The following NMT2 variants were observed in gnomAD, a reference collection of about 807,000 sequenced individuals.
NMT2 encodes N-myristoyltransferase 2.
In NMT2, 35 loss-of-function variants were observed where a neutral mutation model predicts 65.4. The observed-to-expected ratio is 0.54, with a 90% confidence interval of 0.41 to 0.71. The LOEUF is 0.71. Ranked by LOEUF, NMT2 falls within the 30% of genes least tolerant of loss-of-function variation. The pLI, the probability that NMT2 is intolerant of heterozygous loss-of-function variation, is 0.00. For synonymous variants in NMT2, 226 were observed against 231.8 expected (o/e 0.98, Z 0.23); for missense variants, 489 against 611.3 (o/e 0.80, Z 2.11).
At chr10:15,144,718 G>A (rs146975222) in intron 1 of NMT2, among the ~76,000 whole-genome samples, 3,401 of 151,904 alleles carry the variant, frequency 0.022, 43 homozygotes, top group Middle Eastern at 0.037. Flanking sequence ...GCGACAGAGC[G>A]AGACTCCGTC....
chr10:15,159,396 ATATTTATT>A (rs112463294), intron 1 of NMT2, among the ~76,000 whole-genome samples: 8,098 of 149,270 alleles, frequency 0.054, 292 homozygotes, highest in African/African-American at 0.11. Context: ...CCTCCTTAAA[ATATTTATT>A]TATTTATTTA....
Position 15,132,810 on chromosome 10 carries a change from CAT to C in NMT2, c.719+5_719+6del. ...TAAAAACCGCATGGACGAGCTTAAA[CAT>C]GTACCTGTCATAAATCCGAATGTTT... On this transcript the variant is annotated splice_donor_5th_base_variant and intron_variant, in intron 6 of 11. Coordinates refer to ENST00000378165, the MANE Select transcript of NMT2 (RefSeq NM_004808.3). 1 of 1,582,006 alleles carries C rather than the reference CAT, an allele frequency of 6.3e-7. No individual in the cohort carries two copies. The highest frequency in any genetic ancestry group is 8.7e-7 in the Non-Finnish European group (1 of 1,155,554).
At chr10:15,138,440 C>T in intron 2 of NMT2, 2 of 470,874 alleles carry the variant, frequency 4.2e-6, no homozygotes, top group South Asian at 1.5e-5. Context: ...AGTAGCACTA[C>T]CTGGGAAGAA....
intron 8 of NMT2, among the ~76,000 whole-genome samples, chr10:15,126,885 C>T (rs1846089550): frequency 6.6e-6 from 1 of 152,200 alleles, no homozygotes; most frequent in Non-Finnish European, 1.5e-5. Flanking sequence ...CTAATATAGC[C>T]AAGCCCCAAA....
At position 15,135,288 on chromosome 10, in the gene NMT2, G is replaced by A. The variant is rs746678432; in HGVS notation, c.377C>T (p.Pro126Leu). The A allele has an allele frequency of 1.7e-5, 28 of 1,613,872 alleles. No individual in the cohort carries two copies. The highest frequency in any genetic ancestry group is 4.5e-5 in the East Asian group (2 of 44,888). The change falls in exon 3 of 12, where the codon CCG becomes CTG. Residue 126 changes from proline (P) to leucine (L), a missense_variant. Transcript: ENST00000378165. ...KHRYQFWDTQ[P>L]VPKLDEVITS... ...GAAAAACTTACCTAGTTTTGGTACCGGTTGTGTGTCCCAAAACTGGTATCT... is the reference window on the plus strand; with the variant it reads ...GAAAAACTTACCTAGTTTTGGTACCAGTTGTGTGTCCCAAAACTGGTATCT...
At chr10:15,127,280 G>T (rs954252475) in intron 8 of NMT2, among the ~76,000 whole-genome samples, 2 of 150,092 alleles carry the variant, frequency 1.3e-5, no homozygotes, top group African/African-American at 4.9e-5. Flanking sequence ...AGGCGTGGTG[G>T]CTCACTCCTG....
Position 15,107,028 on chromosome 10 carries a change from A to C in NMT2, c.*2167T>G, listed in dbSNP as rs1845327614. ...GACGCTGAAGCAGGAGGATCATTTT[A>C]ACCCAGGAGTTTGGGGCTGCAGTGA... On this transcript the variant is annotated 3_prime_UTR_variant, in exon 12 of 12. Transcript: ENST00000378165. Among the ~76,000 whole-genome samples, 1 of 151,592 alleles carries C rather than the reference A, an allele frequency of 6.6e-6. No individual in the cohort carries two copies. Among genetic ancestry groups the C allele is most frequent in the Non-Finnish European group, 1.5e-5 (1 of 67,988 alleles).
Position 15,144,470 on chromosome 10 carries a change from G to A in NMT2, c.111-2913C>T, listed in dbSNP as rs554186522. Among the ~76,000 whole-genome samples the A allele has an allele frequency of 3.9e-4, 59 of 152,272 alleles. No individual in the cohort carries two copies. In the South Asian group the frequency reaches 8.1e-3, roughly 21 times the overall value. Reference sequence around the variant, plus strand: ...AGCCAGGCCAGGTGCAGTGGCTCACGCCTGTAATCCCAGCACTTTGGGAGG... The same window carrying A: ...AGCCAGGCCAGGTGCAGTGGCTCACACCTGTAATCCCAGCACTTTGGGAGG... On this transcript the variant is annotated intron_variant, in intron 1 of 11. Transcript: ENST00000378165.
In NMT2 at chr10:15,127,145, G is replaced by GT. The variant is rs1463566259; in HGVS notation, c.999+1204_999+1205insA. 2.6e-5 allele frequency among the ~76,000 whole-genome samples: 4 copies of GT among 152,102 alleles called. 1 individual carries two copies. Among genetic ancestry groups the GT allele is most frequent in the South Asian group, 4.1e-4 (2 of 4,830 alleles). On this transcript the variant is annotated intron_variant, in intron 8 of 11. Transcript: ENST00000378165. ...AGCTATTTGGGAGGCTGAGGCAGGA[G>GT]AACTGTTTGAACCCGGGAGGCGGAG...
intron 9 of NMT2, among the ~76,000 whole-genome samples, chr10:15,115,930 A>G (rs1445842570): frequency 2.0e-5 from 3 of 152,196 alleles, no homozygotes; most frequent in African/African-American, 7.2e-5. Flanking sequence ...GCCCAGAAGA[A>G]ATCAAGAAAA....
chr10:15,167,429 T>C (rs909893992), intron 1 of NMT2, among the ~76,000 whole-genome samples: 3 of 152,212 alleles, frequency 2.0e-5, no homozygotes, highest in Non-Finnish European at 4.4e-5. Context: ...AGAATCTCTC[T>C]ACGAACTGAG....
chr10:15,146,778 A>G (rs1434998273), intron 1 of NMT2, among the ~76,000 whole-genome samples: 2 of 152,130 alleles, frequency 1.3e-5, no homozygotes, highest in Non-Finnish European at 2.9e-5. Context: ...CCAGTCTCAT[A>G]CAACTAACAC....
intron 2 of NMT2, among the ~76,000 whole-genome samples, chr10:15,140,216 A>G (rs1846694601): frequency 6.6e-6 from 1 of 152,034 alleles, no homozygotes; most frequent in African/African-American, 2.4e-5. Context: ...TCCACCTCCC[A>G]GGCTCAAGCT....
At position 15,109,759 on chromosome 10, in the gene NMT2, A is replaced by G. The variant is rs1845445115; in HGVS notation, c.1419T>C (p.Asp473=). The G allele has an allele frequency of 1.2e-6, 2 of 1,613,770 alleles. No homozygotes were observed. The highest frequency in any genetic ancestry group is 1.7e-6 in the Non-Finnish European group (2 of 1,179,904). ...TGTACAGGTAATACTGCAAATTGCCATCTCCTATACCAAACTTGAGTTTTT... is the reference window on the plus strand; with the variant it reads ...TGTACAGGTAATACTGCAAATTGCCGTCTCCTATACCAAACTTGAGTTTTT... ...FLEKLKFGIG[D]GNLQYYLYNW... is the part of the protein sequence containing the mutation. The change falls in exon 11 of 12, where the codon GAT becomes GAC. Residue 473 remains aspartate (D), a synonymous_variant. Transcript: ENST00000378165.
rs1846769796 is a variant in NMT2 at position 15,141,628 on chromosome 10, A to G, written c.111-71T>C. The G allele has an allele frequency of 2.0e-6, 3 of 1,506,770 alleles. No homozygotes were observed. The African/African-American group carries it at 4.2e-5, about 21-fold the overall frequency. The allele number at this position is 1,506,770 out of a possible 1,614,324, so 93.3% of individuals were successfully genotyped here. On this transcript the variant is annotated intron_variant, in intron 1 of 11. Coordinates refer to ENST00000378165, the MANE Select transcript of NMT2 (RefSeq NM_004808.3). ...CATTAAATGAAATTGAATTGCATAC[A>G]ATTAATCATTTCAAAAAACACAGCT...
chr10:15,150,507 T>A (rs1010794025), intron 1 of NMT2, among the ~76,000 whole-genome samples: 2 of 152,186 alleles, frequency 1.3e-5, no homozygotes, highest in African/African-American at 4.8e-5. Flanking sequence ...TTCAGCTCCA[T>A]CATGGGTCTG....
In NMT2 at chr10:15,108,256, C is replaced by T. The variant is rs954608707; in HGVS notation, c.*939G>A. On this transcript the variant is annotated 3_prime_UTR_variant, in exon 12 of 12. Coordinates refer to ENST00000378165, the MANE Select transcript of NMT2 (RefSeq NM_004808.3). ...AGGCTGGAGTGCAGTGGCTCGATCT[C>T]GGCTCACTGCAACCTCACCTCTCAG... is the stretch of plus-strand genomic sequence containing the variant. 8.2e-5 allele frequency: 71 copies of T among 862,018 alleles called. No individual in the cohort carries two copies. The highest frequency in any genetic ancestry group is 8.3e-5 in the Non-Finnish European group (60 of 718,928). The allele number at this position is 862,018 out of a possible 1,614,324, so 53.4% of individuals were successfully genotyped here.
At chr10:15,139,285 TATCTATCTATCC>T (rs1846640763) in intron 2 of NMT2, among the ~76,000 whole-genome samples, 2 of 147,002 alleles carry the variant, frequency 1.4e-5, no homozygotes, top group African/African-American at 5.4e-5. Flanking sequence ...TCTATCTATC[TATCTATCTATCC>T]ATCCATCCAT....
At chr10:15,153,091 T>C (rs368875192) in intron 1 of NMT2, among the ~76,000 whole-genome samples, 26 of 151,950 alleles carry the variant, frequency 1.7e-4, no homozygotes, top group African/African-American at 6.0e-4. Flanking sequence ...TCTCTATATA[T>C]AGAGAGAGGA....
Sources: allele counts gnomAD v4.1 joint callset (sites outside exome capture counted in the v4.1 genomes callset), GRCh38; gene constraint gnomAD v4.1.1; transcripts MANE v1.5; gene names NCBI Gene and HGNC (gene_info 2026-07-23, HGNC 2026-07-21).